The following NSMCE2 variants were observed in gnomAD, a reference collection of about 807,000 sequenced individuals.
The protein encoded by NSMCE2 is E3 SUMO-protein ligase NSE2.
NSMCE2 carries 24 observed loss-of-function variants against 23.8 expected under a neutral mutation model. The ratio of observed to expected loss-of-function variants is 1.01; its 90% CI spans 0.73 to 1.42. The LOEUF is 1.42. NSMCE2 is among the 40% of genes most tolerant of loss of function. NSMCE2 has a pLI of 0.00. For synonymous variants in NSMCE2, 92 were observed against 94.1 expected (o/e 0.98, Z 0.13); for missense variants, 284 against 296.5 (o/e 0.96, Z 0.31).
intron 5 of NSMCE2, among the ~76,000 whole-genome samples, chr8:125,269,010 C>T (rs1827062905): frequency 1.3e-5 from 2 of 152,152 alleles, no homozygotes; most frequent in Admixed American, 1.3e-4. Flanking sequence ...TTTTATTCCA[C>T]AAAATATGAA....
intron 4 of NSMCE2, among the ~76,000 whole-genome samples, chr8:125,155,650 A>G (rs1040198382): frequency 2.6e-5 from 4 of 152,298 alleles, no homozygotes; most frequent in Admixed American, 2.6e-4. Context: ...TTTATTGACT[A>G]TTAAATAAAC....
intron 5 of NSMCE2, among the ~76,000 whole-genome samples, chr8:125,203,847 G>A (rs1010972816): frequency 2.0e-5 from 3 of 151,986 alleles, no homozygotes; most frequent in Non-Finnish European, 4.4e-5. Context: ...ACATAGTCAG[G>A]TTATTTTAAA....
intron 5 of NSMCE2, among the ~76,000 whole-genome samples, chr8:125,261,071 C>G (rs988562099): frequency 6.6e-6 from 1 of 152,086 alleles, no homozygotes; most frequent in Non-Finnish European, 1.5e-5. Flanking sequence ...ATTTACATTT[C>G]GGTGAAAAGG....
At chr8:125,256,005 C>T (rs1025424233) in intron 5 of NSMCE2, among the ~76,000 whole-genome samples, 7 of 152,098 alleles carry the variant, frequency 4.6e-5, no homozygotes, top group South Asian at 2.1e-4. Context: ...ACTAACTGGC[C>T]GGATGTGGTG....
At chr8:125,344,969 C>G (rs1374720245) in intron 5 of NSMCE2, among the ~76,000 whole-genome samples, 1 of 151,218 alleles carries the variant, frequency 6.6e-6, no homozygotes, top group Non-Finnish European at 1.5e-5. Context: ...TCCAATGTTT[C>G]TCTATTATAA....
intron 5 of NSMCE2, among the ~76,000 whole-genome samples, chr8:125,213,570 C>G: frequency 7.7e-6 from 1 of 130,170 alleles, no homozygotes; most frequent in African/African-American, 2.8e-5. Context: ...TTCCCCTCCC[C>G]CTCCCCTCTT....
intron 5 of NSMCE2, among the ~76,000 whole-genome samples, chr8:125,316,691 C>CTTCT (rs1489532980): frequency 2.9e-4 from 19 of 65,356 alleles, no homozygotes; most frequent in Non-Finnish European, 6.5e-4. Flanking sequence ...TCTTATCTTC[C>CTTCT]TTCTTTCCTT....
intron 4 of NSMCE2, chr8:125,155,954 T>C (rs1202712228): frequency 2.2e-6 from 1 of 452,962 alleles, no homozygotes. Flanking sequence ...CAGAGATTAC[T>C]GTCATATATA....
intron 1 of NSMCE2, among the ~76,000 whole-genome samples, chr8:125,100,891 G>A (rs1186803005): frequency 6.6e-6 from 1 of 152,178 alleles, no homozygotes; most frequent in African/African-American, 2.4e-5. Flanking sequence ...GCCTGGGATA[G>A]TGCCTGGCTC....
intron 5 of NSMCE2, among the ~76,000 whole-genome samples, chr8:125,254,881 A>G (rs576480239): frequency 2.9e-4 from 44 of 152,294 alleles, no homozygotes; most frequent in African/African-American, 9.9e-4. Context: ...AAAGGAATAT[A>G]GTTGTTTTAC....
chr8:125,227,070 C>T (rs940981168), intron 5 of NSMCE2, among the ~76,000 whole-genome samples: 3 of 152,122 alleles, frequency 2.0e-5, no homozygotes, highest in Non-Finnish European at 2.9e-5. Flanking sequence ...CCTGAGGCCA[C>T]TCAGGGTCTG....
intron 5 of NSMCE2, among the ~76,000 whole-genome samples, chr8:125,278,991 T>G (rs10095360): frequency 0.034 from 5,100 of 152,120 alleles, 276 homozygotes; most frequent in African/African-American, 0.11. Context: ...TATTAAATAT[T>G]TTGTGTTTGT....
chr8:125,249,792 G>T (rs1826129605), intron 5 of NSMCE2, among the ~76,000 whole-genome samples: 1 of 152,040 alleles, frequency 6.6e-6, no homozygotes, highest in Non-Finnish European at 1.5e-5. Context: ...ACCTGACATT[G>T]TTTTAGGTTT....
chr8:125,233,752 C>G (rs895095068), intron 5 of NSMCE2, among the ~76,000 whole-genome samples: 7 of 152,128 alleles, frequency 4.6e-5, no homozygotes, highest in African/African-American at 1.7e-4. Context: ...ATTGTAATCA[C>G]AGATCTAGGT....
chr8:125,177,922 G>C (rs7461265), intron 4 of NSMCE2, among the ~76,000 whole-genome samples: 148,222 of 152,338 alleles, frequency 0.97, 72,133 homozygotes, highest in East Asian at 1. Context: ...TCAGTGATTT[G>C]TGCTGCTTTC....
chr8:125,126,194 C>A lies in NSMCE2; in HGVS notation c.157+23707C>A, dbSNP rs543001388. ...GGTCAGGAGTTCGAGACCAGCTTGG[C>A]CAACTTGGTGAAGACTCCATCTCTT... On this transcript the variant is annotated intron_variant, in intron 3 of 7. Coordinates refer to ENST00000287437, the MANE Select transcript of NSMCE2 (RefSeq NM_173685.4). Among the ~76,000 whole-genome samples the A allele has an allele frequency of 2.6e-5, 4 of 152,124 alleles. No homozygotes were observed. The South Asian group carries it at 8.3e-4, about 32-fold the overall frequency.
chr8:125,241,854 A>G (rs996762096), intron 5 of NSMCE2, among the ~76,000 whole-genome samples: 11 of 152,180 alleles, frequency 7.2e-5, no homozygotes, highest in Non-Finnish European at 1.3e-4. Context: ...ATTCTGTTAG[A>G]TATGGTGGGG....
chr8:125,316,732 T>C (rs28723563), intron 5 of NSMCE2, among the ~76,000 whole-genome samples: 29,671 of 102,832 alleles, frequency 0.29, 5,856 homozygotes, highest in Middle Eastern at 0.36. Context: ...CTTTCCTTCT[T>C]TTCCTTCCTT....
chr8:125,322,576 C>G (rs1411278032), intron 5 of NSMCE2, among the ~76,000 whole-genome samples: 1 of 152,186 alleles, frequency 6.6e-6, no homozygotes, highest in African/African-American at 2.4e-5. Flanking sequence ...AGGATGTCTA[C>G]TCTTACCACT....
Sources: allele counts gnomAD v4.1 joint callset (sites outside exome capture counted in the v4.1 genomes callset), GRCh38; gene constraint gnomAD v4.1.1; transcripts MANE v1.5; gene names NCBI Gene and HGNC (gene_info 2026-07-23, HGNC 2026-07-21).